The following MED13 variants were observed in gnomAD, a reference collection of about 807,000 sequenced individuals.
MED13 encodes mediator of RNA polymerase II transcription subunit 13.
Under a neutral mutation model 225.2 loss-of-function variants are expected in MED13, and 23 were observed. That is an observed-to-expected ratio of 0.10 (90% CI 0.07 to 0.14). The LOEUF is 0.14. Ranked by LOEUF, MED13 falls within the 10% of genes least tolerant of loss-of-function variation. The probability of loss-of-function intolerance (pLI) is 1.00; values close to 1 mark genes in which losing one functional copy is unlikely to be tolerated. For missense variants in MED13, 2,197 were observed against 2,594.5 expected, an observed-to-expected ratio of 0.85 and a Z score of 3.33; for synonymous variants, 942 against 889.2, an observed-to-expected ratio of 1.06 and a Z score of -1.06.
intron 26 of MED13, among the ~76,000 whole-genome samples, chr17:61,955,099 T>G (rs1455152589): frequency 2.6e-5 from 4 of 152,278 alleles, no homozygotes; most frequent in African/African-American, 9.6e-5. Flanking sequence ...ACATAGCATC[T>G]TCTCCCTTTG....
chr17:62,018,843 C>G (rs377114396), intron 8 of MED13, among the ~76,000 whole-genome samples: 1 of 152,102 alleles, frequency 6.6e-6, no homozygotes, highest in Non-Finnish European at 1.5e-5. Flanking sequence ...CGATCCTACA[C>G]GGATATTTAG....
At chr17:61,964,471 G>GGGA (rs2080036161) in intron 20 of MED13, among the ~76,000 whole-genome samples, 2 of 152,036 alleles carry the variant, frequency 1.3e-5, no homozygotes, top group South Asian at 4.2e-4. Flanking sequence ...AGGCTGAGGT[G>GGGA]GGAGGATCAC....
chr17:62,040,391 A>C (rs182766865), intron 3 of MED13, among the ~76,000 whole-genome samples: 1 of 152,224 alleles, frequency 6.6e-6, no homozygotes. Flanking sequence ...AACTTGAACA[A>C]TCTTCCATCG....
chr17:62,023,096 G>A (rs1363814144), intron 8 of MED13, among the ~76,000 whole-genome samples: 1 of 152,194 alleles, frequency 6.6e-6, no homozygotes, highest in Non-Finnish European at 1.5e-5. Context: ...CACTTCTAGG[G>A]AGAGTGAGTA....
chr17:61,951,078 C>T (rs569709380), intron 27 of MED13, 80 bp from the exon 28 acceptor site: 2 of 1,065,396 alleles, frequency 1.9e-6, no homozygotes, highest in Non-Finnish European at 2.7e-6. Flanking sequence ...TGGCTCATAG[C>T]AATCAGTCTC....
Position 61,955,853 on chromosome 17 carries a change from AGT to A in MED13, c.5624-17_5624-16del. The A allele has an allele frequency of 7.6e-6, 10 of 1,318,292 alleles. No individual in the cohort carries two copies. Among genetic ancestry groups the A allele is most frequent in the East Asian group, 2.9e-5 (1 of 34,552 alleles). The allele number at this position is 1,318,292 out of a possible 1,614,324, so 81.7% of individuals were successfully genotyped here. A position where few individuals can be genotyped will look rare whatever the true frequency, so the allele number is the denominator to read the frequency against. On this transcript the variant is annotated splice_polypyrimidine_tract_variant and intron_variant, in intron 24 of 29. Transcript: ENST00000397786. The stretch of plus-strand genomic sequence containing the variant: ...ACAGCTCCAATCTGTGGGTATCAAC[AGT>A]AAAAAAAAAAAAAAAAAAAAAAAAA...
At chr17:62,014,452 G>A (rs1269739390) in intron 8 of MED13, among the ~76,000 whole-genome samples, 1 of 152,036 alleles carries the variant, frequency 6.6e-6, no homozygotes, top group African/African-American at 2.4e-5. Context: ...AAGTAGCTGG[G>A]ATTACAGGTG....
At chr17:62,023,400 G>T (rs1251145329) in intron 8 of MED13, among the ~76,000 whole-genome samples, 2 of 152,180 alleles carry the variant, frequency 1.3e-5, no homozygotes, top group Non-Finnish European at 2.9e-5. Flanking sequence ...AGGACAATAA[G>T]ATGATGTAGT....
At chr17:62,031,826 C>A (rs545635314) in intron 5 of MED13, among the ~76,000 whole-genome samples, 188 bp from the exon 6 acceptor site, 2 of 149,696 alleles carry the variant, frequency 1.3e-5, no homozygotes, top group Non-Finnish European at 3.0e-5. Flanking sequence ...TTAGAAGAAA[C>A]CACAATAAAC....
At chr17:61,985,529 A>AGCT (rs2080240184) in intron 12 of MED13, among the ~76,000 whole-genome samples, 1 of 152,062 alleles carries the variant, frequency 6.6e-6, no homozygotes, top group South Asian at 2.1e-4. Context: ...ACAAAAAATT[A>AGCT]GCTGGGTGGG....
At chr17:62,041,677 A>C (rs1360046782) in intron 3 of MED13, among the ~76,000 whole-genome samples, 1 of 152,102 alleles carries the variant, frequency 6.6e-6, no homozygotes, top group Non-Finnish European at 1.5e-5. Context: ...CCTGAGCTCA[A>C]GCGATTTTCC....
rs1603410915 is a variant in MED13, at chr17:62,062,903, A to G, written c.301+164T>C. Among the ~76,000 whole-genome samples the G allele has an allele frequency of 2.0e-5, 3 of 152,348 alleles. No individual in the cohort carries two copies. The South Asian group carries it at 6.2e-4, about 32-fold the overall frequency. ...CAGCTATAACAACATGGATAATTTA[A>G]GTAAAATAAAATAATCATGGTGAAA... On this transcript the variant is annotated intron_variant, in intron 2 of 29. Coordinates refer to ENST00000397786, the MANE Select transcript of MED13 (RefSeq NM_005121.3).
At chr17:62,047,729 C>CAAAT (rs908881185) in intron 3 of MED13, among the ~76,000 whole-genome samples, 2 of 151,600 alleles carry the variant, frequency 1.3e-5, no homozygotes, top group Non-Finnish European at 2.9e-5. Flanking sequence ...AATAAACAAA[C>CAAAT]AAATAAATAA....
intron 1 of MED13, among the ~76,000 whole-genome samples, chr17:62,063,892 T>C (rs1044861531): frequency 5.9e-5 from 9 of 152,162 alleles, no homozygotes; most frequent in African/African-American, 1.4e-4. Flanking sequence ...TTGGATAAGA[T>C]AGAAATATAA....
chr17:62,026,991 T>A (rs932444503), intron 8 of MED13, among the ~76,000 whole-genome samples: 1 of 152,120 alleles, frequency 6.6e-6, no homozygotes, highest in Non-Finnish European at 1.5e-5. Flanking sequence ...AGAATCAATA[T>A]CCTTAAAATG....
At chr17:61,968,313 T>TA (rs142305716) in intron 17 of MED13, 55 bp from the exon 18 acceptor site, 18 of 1,165,300 alleles carry the variant, frequency 1.5e-5, no homozygotes, top group Non-Finnish European at 2.0e-5. Context: ...CATGTCTCCT[T>TA]TTTATTTATT....
In MED13 at chr17:62,029,735, A is replaced by G; in HGVS notation, c.1173-84T>C. 3 of 1,514,728 alleles carry G rather than the reference A, an allele frequency of 2.0e-6. No individual in the cohort carries two copies. The East Asian group carries it at 6.9e-5, about 35-fold the overall frequency. The allele number at this position is 1,514,728 out of a possible 1,614,324, so 93.8% of individuals were successfully genotyped here. ...TGTAGCATTGAAATTAATTTTAAAG[A>G]TCAACATTATGAGTTAAAGAAAAAT... On this transcript the variant is annotated intron_variant, in intron 7 of 29. Transcript: ENST00000397786.
At chr17:61,970,106 T>C (rs969145012) in intron 17 of MED13, among the ~76,000 whole-genome samples, 3 of 152,216 alleles carry the variant, frequency 2.0e-5, no homozygotes, top group Non-Finnish European at 4.4e-5. Context: ...GCTCTTTGCA[T>C]GTACTAACTC....
chr17:61,981,530 C>A (rs1380189691), intron 16 of MED13, among the ~76,000 whole-genome samples: 7 of 152,276 alleles, frequency 4.6e-5, no homozygotes, highest in Non-Finnish European at 8.8e-5. Context: ...CATCAGTCAC[C>A]TTAATGTTCC....
Sources: allele counts gnomAD v4.1 joint callset (sites outside exome capture counted in the v4.1 genomes callset), GRCh38; gene constraint gnomAD v4.1.1; transcripts MANE v1.5; gene names NCBI Gene and HGNC (gene_info 2026-07-23, HGNC 2026-07-21).